VWA3B: variants seen among roughly 807,000 people sequenced by gnomAD.
VWA3B encodes the protein von Willebrand factor A domain-containing protein 3B.
VWA3B carries 138 observed loss-of-function variants against 158.3 expected under a neutral mutation model. The observed-to-expected ratio is 0.87, with a 90% CI of 0.76 to 1.00. The LOEUF is 1.00. Ranked by LOEUF, VWA3B falls within the 50% of genes least tolerant of loss-of-function variation. VWA3B has a pLI of 0.00. For synonymous variants in VWA3B, 596 were observed against 587.3 expected, an observed-to-expected ratio of 1.01 and a Z score of -0.21; for missense variants, 1,555 against 1,565.1, an observed-to-expected ratio of 0.99 and a Z score of 0.11.
At chr2:98,247,153 T>G in intron 19 of VWA3B, among the ~76,000 whole-genome samples, 1 of 151,270 alleles carries the variant, frequency 6.6e-6, no homozygotes, top group Non-Finnish European at 1.5e-5. Flanking sequence ...ACCCGCCACC[T>G]CCCCCAGCTA....
chr2:98,274,766 C>G (rs74604486), intron 22 of VWA3B, among the ~76,000 whole-genome samples: 2 of 152,148 alleles, frequency 1.3e-5, no homozygotes, highest in African/African-American at 4.8e-5. Flanking sequence ...TGAGGCCCAA[C>G]GTAAAAGACC....
At chr2:98,094,211 A>C (rs1682555075) in intron 2 of VWA3B, among the ~76,000 whole-genome samples, 1 of 151,796 alleles carries the variant, frequency 6.6e-6, no homozygotes. Context: ...GTTTTGAGGA[A>C]CCTCCATACT....
chr2:98,121,639 G>A (rs1267770350), intron 5 of VWA3B, among the ~76,000 whole-genome samples, 181 bp downstream of exon 5: 2 of 152,240 alleles, frequency 1.3e-5, no homozygotes, highest in Admixed American at 6.5e-5. Context: ...TGAGGCCCCT[G>A]AATACCCGTC....
intron 1 of VWA3B, among the ~76,000 whole-genome samples, chr2:98,089,724 A>G (rs2104791864): frequency 6.6e-6 from 1 of 151,678 alleles, no homozygotes; most frequent in Admixed American, 6.6e-5. Context: ...TGTATTTCAG[A>G]CAATACAAAT....
At chr2:98,296,639 G>C (rs1689816324) in intron 23 of VWA3B, among the ~76,000 whole-genome samples, 1 of 152,172 alleles carries the variant, frequency 6.6e-6, no homozygotes, top group Non-Finnish European at 1.5e-5. Context: ...CCAGGACTGG[G>C]GAGCTGCTGC....
At chr2:98,308,003 C>T (rs1690633517) in intron 26 of VWA3B, among the ~76,000 whole-genome samples, 1 of 152,126 alleles carries the variant, frequency 6.6e-6, no homozygotes, top group Non-Finnish European at 1.5e-5. Context: ...GGAAGAAAGG[C>T]ATTTGGAGGC....
chr2:98,229,256 C>A (rs181804819), intron 15 of VWA3B, among the ~76,000 whole-genome samples: 1 of 152,302 alleles, frequency 6.6e-6, no homozygotes, highest in Admixed American at 6.5e-5. Context: ...TGAGTACAAA[C>A]CATGCAGTAA....
chr2:98,146,020 C>A (rs564768036), intron 7 of VWA3B, among the ~76,000 whole-genome samples: 1 of 152,246 alleles, frequency 6.6e-6, no homozygotes, highest in Admixed American at 6.5e-5. Context: ...CAGGTATGAG[C>A]CACTGCACCT....
chr2:98,177,171 G>A lies in VWA3B; in HGVS notation c.1115-3845G>A, dbSNP rs145358094. ...TGTGTGTGGCCCTGGCTATAGCAGGGATGGTTTTCAAAAGCATTTTCCCAG... is the reference window on the plus strand; with the variant it reads ...TGTGTGTGGCCCTGGCTATAGCAGGAATGGTTTTCAAAAGCATTTTCCCAG... On this transcript the variant is annotated intron_variant, in intron 8 of 27. Coordinates refer to ENST00000477737, the MANE Select transcript of VWA3B (RefSeq NM_144992.5). Among the ~76,000 whole-genome samples the A allele has an allele frequency of 5.3e-3, 809 of 152,300 alleles. 9 individuals are homozygous for A. The highest frequency in any genetic ancestry group is 0.019 in the African/African-American group (777 of 41,562).
intron 2 of VWA3B, among the ~76,000 whole-genome samples, chr2:98,114,020 T>C (rs1327438698): frequency 6.6e-6 from 1 of 152,236 alleles, no homozygotes; most frequent in Non-Finnish European, 1.5e-5. Flanking sequence ...AATGCCCTCC[T>C]TTTTAGGATG....
chr2:98,228,928 C>T (rs1029639458), intron 15 of VWA3B: 1 of 152,160 alleles, frequency 6.6e-6, no homozygotes, highest in African/African-American at 2.4e-5. Context: ...GTATCACAGC[C>T]TACCCTGCCA....
chr2:98,101,652 C>A (rs932927134), intron 2 of VWA3B, among the ~76,000 whole-genome samples: 5 of 152,182 alleles, frequency 3.3e-5, no homozygotes, highest in African/African-American at 1.2e-4. Context: ...GAGGCCCATT[C>A]AAATGGCAAG....
the VWA3B span, among the ~76,000 whole-genome samples, chr2:98,329,275 A>G: frequency 6.6e-6 from 1 of 152,234 alleles, no homozygotes; most frequent in Non-Finnish European, 1.5e-5. Flanking sequence ...CCATGGAGGT[A>G]GGCTAATGTT....
chr2:98,186,227 TCA>T (rs1251911515), intron 9 of VWA3B, among the ~76,000 whole-genome samples: 2 of 149,898 alleles, frequency 1.3e-5, no homozygotes, highest in African/African-American at 2.5e-5. Flanking sequence ...TGTTCCTCTC[TCA>T]GTCTTCTTTG....
chr2:98,182,261 T>C (rs1414954741), intron 9 of VWA3B, among the ~76,000 whole-genome samples: 4 of 152,230 alleles, frequency 2.6e-5, no homozygotes, highest in African/African-American at 9.6e-5. Context: ...TGAGATGTTG[T>C]AACTCCAGCA....
At chr2:98,294,203 C>CAAAAAAAAAAAAAAAAA (rs751689571) in intron 23 of VWA3B, among the ~76,000 whole-genome samples, 1 of 56,296 alleles carries the variant, frequency 1.8e-5, no homozygotes. Flanking sequence ...CACACACACA[C>CAAAAAAAAAAAAAAAAA]AAAAAAAAAA....
At chr2:98,297,876 T>A (rs991185783) in intron 23 of VWA3B, 31 bp from the exon 24 acceptor site, 1 of 1,469,324 alleles carries the variant, frequency 6.8e-7, no homozygotes, top group Non-Finnish European at 9.1e-7. Flanking sequence ...TATTTGTCTT[T>A]ATATTTTATG....
intron 12 of VWA3B, among the ~76,000 whole-genome samples, chr2:98,203,122 C>T (rs114237432): frequency 0.12 from 17,880 of 152,186 alleles, 1,345 homozygotes; most frequent in Non-Finnish European, 0.16. Flanking sequence ...TGAGCCACCA[C>T]ACCCGGCCGG....
chr2:98,255,179 G>GAT (rs1186398154), intron 20 of VWA3B, among the ~76,000 whole-genome samples: 2 of 67,626 alleles, frequency 3.0e-5, no homozygotes, highest in Admixed American at 1.4e-4. Flanking sequence ...ACGCCCGGCT[G>GAT]ATATTTTTTT....
Sources: gnomAD v4.1 joint callset for allele counts (sites outside exome capture counted in the v4.1 genomes callset) on GRCh38, gnomAD v4.1.1 for gene constraint, MANE v1.5 for transcripts, NCBI Gene and HGNC (gene_info 2026-07-23, HGNC 2026-07-21) for gene names.